CNTN4: variants seen among roughly 807,000 people sequenced by gnomAD.
The protein encoded by CNTN4 is contactin-4.
Under a neutral mutation model 122.5 loss-of-function variants are expected in CNTN4, and 77 were observed. The observed-to-expected ratio is 0.63, with a 90% confidence interval of 0.52 to 0.76. CNTN4 has a LOEUF of 0.76. CNTN4 is among the 30% of genes least tolerant of loss of function. CNTN4 has a pLI of 0.00. For missense variants in CNTN4, 1,256 were observed against 1,259.1 expected, an observed-to-expected ratio of 1.00 and a Z score of 0.04; for synonymous variants, 512 against 447.0, an observed-to-expected ratio of 1.15 and a Z score of -1.83.
intron 12 of CNTN4, among the ~76,000 whole-genome samples, chr3:2,912,016 T>C (rs1037127572): frequency 1.3e-4 from 20 of 152,090 alleles, no homozygotes; most frequent in Non-Finnish European, 2.5e-4. Flanking sequence ...GCAGAGAGCC[T>C]ATCTGAAGAA....
At chr3:2,414,867 A>G (rs1330671460) in intron 3 of CNTN4, among the ~76,000 whole-genome samples, 3 of 152,226 alleles carry the variant, frequency 2.0e-5, no homozygotes, top group African/African-American at 4.8e-5. Context: ...ATATATGTTC[A>G]AGAATCCTAA....
intron 2 of CNTN4, among the ~76,000 whole-genome samples, chr3:2,243,712 A>G (rs1181134230): frequency 2.6e-5 from 4 of 152,088 alleles, no homozygotes; most frequent in Admixed American, 6.6e-5. Context: ...GCTTTTCTCA[A>G]TGATAAGGGC....
At chr3:2,340,020 T>A (rs1456450716) in intron 3 of CNTN4, among the ~76,000 whole-genome samples, 1 of 152,216 alleles carries the variant, frequency 6.6e-6, no homozygotes, top group Non-Finnish European at 1.5e-5. Flanking sequence ...GTCTCCCCTA[T>A]GTGTGTCCAA....
chr3:2,665,795 A>G (rs559811024), intron 4 of CNTN4, among the ~76,000 whole-genome samples: 3 of 152,322 alleles, frequency 2.0e-5, no homozygotes, highest in East Asian at 3.9e-4. Context: ...GATACTTGAT[A>G]TATGAGAAAA....
At chr3:2,122,452 A>G (rs972355645) in intron 2 of CNTN4, among the ~76,000 whole-genome samples, 23 of 152,210 alleles carry the variant, frequency 1.5e-4, no homozygotes, top group African/African-American at 5.5e-4. Flanking sequence ...ACATTAATCT[A>G]TATGTAGCTA....
intron 4 of CNTN4, among the ~76,000 whole-genome samples, chr3:2,655,927 T>C (rs1383300047): frequency 1.3e-5 from 2 of 152,160 alleles, no homozygotes; most frequent in African/African-American, 2.4e-5. Context: ...TTGTTTGCAA[T>C]AGAACTTGAA....
rs532244322 is a variant in CNTN4 at position 2,474,443 on chromosome 3, T to A, written c.-88-96973T>A. 5.3e-5 allele frequency among the ~76,000 whole-genome samples: 8 copies of A among 152,344 alleles called. No homozygotes were observed. In the South Asian group the frequency reaches 1.7e-3, roughly 32 times the overall value. On this transcript the variant is annotated intron_variant, in intron 3 of 24. Transcript: ENST00000418658. ...TTTATAATTTATATGAACTTAAGCC[T>A]TTTAAAACATTTCGCTTTCATTATA...
intron 6 of CNTN4, among the ~76,000 whole-genome samples, chr3:2,796,887 ATAATG>A (rs754189505): frequency 2.0e-5 from 3 of 152,222 alleles, no homozygotes; most frequent in Non-Finnish European, 2.9e-5. Flanking sequence ...CCCAGATACT[ATAATG>A]TTGCTCAGTA....
intron 4 of CNTN4, among the ~76,000 whole-genome samples, chr3:2,624,717 C>T (rs775730774): frequency 2.3e-4 from 34 of 150,734 alleles, no homozygotes; most frequent in Non-Finnish European, 2.8e-4. Flanking sequence ...CTGCAACCTC[C>T]GCCTCCCGGG....
At chr3:2,533,952 G>GT (rs34715363) in intron 3 of CNTN4, among the ~76,000 whole-genome samples, 32,778 of 146,830 alleles carry the variant, frequency 0.22, 3,843 homozygotes, top group East Asian at 0.54. Flanking sequence ...CTTTTTGATG[G>GT]TTTTTTTTTT....
intron 7 of CNTN4, among the ~76,000 whole-genome samples, chr3:2,856,369 A>G (rs1053006910): frequency 2.0e-5 from 3 of 152,206 alleles, no homozygotes; most frequent in Non-Finnish European, 4.4e-5. Context: ...CCTGGTCAGG[A>G]AATGGCTTTT....
intron 4 of CNTN4, among the ~76,000 whole-genome samples, chr3:2,706,400 G>C (rs1222757915): frequency 2.0e-5 from 3 of 152,060 alleles, no homozygotes; most frequent in African/African-American, 7.2e-5. Flanking sequence ...CTTTAAGGAA[G>C]GTGCTCTAAA....
chr3:2,262,023 AT>A (rs915401674), intron 2 of CNTN4, among the ~76,000 whole-genome samples: 41 of 151,626 alleles, frequency 2.7e-4, no homozygotes, highest in Admixed American at 1.7e-3. Context: ...GGTAAAATGG[AT>A]TTTTTTTTCC....
intron 2 of CNTN4, among the ~76,000 whole-genome samples, chr3:2,275,934 A>C (rs2041490956): frequency 2.0e-5 from 2 of 100,890 alleles, no homozygotes; most frequent in African/African-American, 3.4e-5. Context: ...AAAAAAAAAA[A>C]AAACAAAAAA....
intron 23 of CNTN4, among the ~76,000 whole-genome samples, chr3:3,050,301 C>T (rs1020620198): frequency 3.3e-5 from 5 of 151,976 alleles, no homozygotes; most frequent in African/African-American, 1.2e-4. Flanking sequence ...AAAAAAATAA[C>T]ACTATGACAG....
chr3:2,845,750 G>A (rs1414019121), intron 7 of CNTN4, among the ~76,000 whole-genome samples: 1 of 152,206 alleles, frequency 6.6e-6, no homozygotes, highest in Non-Finnish European at 1.5e-5. Context: ...GGCTAACAGA[G>A]AGTCAGTGAC....
chr3:2,774,888 GT>G (rs2091254639), intron 6 of CNTN4, among the ~76,000 whole-genome samples: 1 of 152,198 alleles, frequency 6.6e-6, no homozygotes, highest in African/African-American at 2.4e-5. Context: ...ATAGCCTGTT[GT>G]ACTTGCAAGA....
chr3:2,359,984 A>C (rs1453967715), intron 3 of CNTN4, among the ~76,000 whole-genome samples: 1 of 152,256 alleles, frequency 6.6e-6, no homozygotes, highest in East Asian at 1.9e-4. Flanking sequence ...TGAAAACCAG[A>C]TGAACAGATT....
chr3:2,751,072 C>T (rs1037956703), intron 6 of CNTN4, among the ~76,000 whole-genome samples: 9 of 152,022 alleles, frequency 5.9e-5, no homozygotes, highest in Admixed American at 2.0e-4. Flanking sequence ...GAGGCCGAGG[C>T]GAGTGGATCA....
Sources: allele counts gnomAD v4.1 joint callset (sites outside exome capture counted in the v4.1 genomes callset), GRCh38; gene constraint gnomAD v4.1.1; transcripts MANE v1.5; gene names NCBI Gene and HGNC (gene_info 2026-07-23, HGNC 2026-07-21).